Variants in CDCP2 observed in about 807,000 individuals in gnomAD.
CDCP2 encodes CUB domain-containing protein 2.
CDCP2 carries 31 observed loss-of-function variants against 31.0 expected under a neutral mutation model. The ratio of observed to expected loss-of-function variants is 1.00; its 90% confidence interval spans 0.75 to 1.35. CDCP2 has a LOEUF of 1.35. Ranked by LOEUF, CDCP2 falls within the 40% of genes most tolerant of loss-of-function variation. The pLI, the probability that CDCP2 is intolerant of heterozygous loss-of-function variation, is 0.00. For missense variants in CDCP2, 443 were observed against 482.6 expected (o/e 0.92, Z 0.77); for synonymous variants, 206 against 207.9 (o/e 0.99, Z 0.08).
intron 2 of CDCP2, among the ~76,000 whole-genome samples, chr1:54,143,209 G>C (rs118163945): frequency 6.6e-6 from 1 of 151,902 alleles, no homozygotes; most frequent in Non-Finnish European, 1.5e-5. Flanking sequence ...GGTGGGTGGC[G>C]CGCGCCTGTA....
chr1:54,135,221 G>A (rs1388558804), intron 5 of CDCP2, among the ~76,000 whole-genome samples: 1 of 152,118 alleles, frequency 6.6e-6, no homozygotes, highest in African/African-American at 2.4e-5. Flanking sequence ...TTTGATGAGT[G>A]ACAGACTTGA....
chr1:54,135,319 A>T (rs940586048), intron 5 of CDCP2, among the ~76,000 whole-genome samples: 17 of 152,160 alleles, frequency 1.1e-4, no homozygotes, highest in African/African-American at 3.6e-4. Flanking sequence ...GCACGTAAAG[A>T]TTGGCATTAC....
chr1:54,139,381 T>A, intron 4 of CDCP2: 1 of 663,680 alleles, frequency 1.5e-6, no homozygotes, highest in Non-Finnish European at 2.6e-6. Context: ...ATCCCCACAG[T>A]TATACCAATT....
intron 2 of CDCP2, chr1:54,143,295 G>T (rs977215760): frequency 2.6e-5 from 4 of 152,236 alleles, no homozygotes; most frequent in Non-Finnish European, 5.9e-5. Flanking sequence ...AGCCAAGATT[G>T]TGCCACTGCA....
chr1:54,139,952 C>G lies in CDCP2; in HGVS notation c.918G>C (p.Glu306Asp), dbSNP rs1383643883. Residue 306 changes from glutamate to aspartate, a missense_variant, in exon 4 of 6, where the codon GAG (glutamate) becomes GAC (aspartate). Glu to Asp is a conservative substitution (Grantham distance 45, BLOSUM62 2). Transcript: ENST00000530059. ...CACAGGTCTTGGTCAGGCTGTTGGG[C>G]TCCTCCAGGTCCAGGTCCAGGAAGA... is the stretch of plus-strand genomic sequence containing the variant. The G allele has an allele frequency of 3.1e-6, 5 of 1,614,092 alleles. No individual in the cohort carries two copies. In the East Asian group the frequency reaches 1.1e-4, roughly 36 times the overall value.
chr1:54,149,804 T>A (rs1279081819), intron 1 of CDCP2, among the ~76,000 whole-genome samples: 2 of 152,206 alleles, frequency 1.3e-5, no homozygotes, highest in Non-Finnish European at 2.9e-5. Flanking sequence ...TGGTGCTTAG[T>A]GTATATTTGC....
chr1:54,137,296 G>A (rs1041112924), intron 4 of CDCP2, among the ~76,000 whole-genome samples: 12 of 152,052 alleles, frequency 7.9e-5, no homozygotes, highest in African/African-American at 2.4e-4. Flanking sequence ...ATGGGGGAGG[G>A]GGCAATAAAT....
rs573738789 is a variant in CDCP2 at position 54,141,255 on chromosome 1, G to A, written c.606C>T (p.Tyr202=). The change falls in exon 3 of 6, where the codon TAC becomes TAT. Residue 202 remains tyrosine (Y), a synonymous_variant. Transcript: ENST00000530059. ...GGCCAGGCCCCCCAAGCACAGCCAC[G>A]TAGTCATAGGTGCACTCTTCATTGC... 32 of 1,614,224 alleles carry A rather than the reference G, an allele frequency of 2.0e-5. No individual in the cohort carries two copies. Among genetic ancestry groups the A allele is most frequent in the African/African-American group, 8.0e-5 (6 of 75,080 alleles).
intron 1 of CDCP2, among the ~76,000 whole-genome samples, chr1:54,148,946 T>C (rs918034677): frequency 3.4e-5 from 5 of 146,426 alleles, no homozygotes; most frequent in Admixed American, 6.8e-5. Context: ...TGGATTCTGA[T>C]TTGAACAAAT....
At chr1:54,152,966 C>G (rs370476397), upstream of CDCP2, 4 of 1,588,088 alleles carry the variant, frequency 2.5e-6, no homozygotes, top group Admixed American at 3.3e-5. Context: ...CTCAGGTAGG[C>G]CAGGATCTCA....
chr1:54,133,913 C>CAAACAAAAAA lies in CDCP2; in HGVS notation c.1297-620_1297-619insTTTTTTGTTT, dbSNP rs748829165. On this transcript the variant is annotated intron_variant, in intron 5 of 5. Transcript: ENST00000530059. ...TCCATCTCAAAAACAAACAAACAAACAAAAAAAACCCCATGTTACAGAGGA... is the reference window on the plus strand; with the variant it reads ...TCCATCTCAAAAACAAACAAACAAACAAACAAAAAAAAAAAAAACCCCATGTTACAGAGGA... 3.1e-3 allele frequency among the ~76,000 whole-genome samples: 454 copies of CAAACAAAAAA among 144,810 alleles called. 5 individuals are homozygous for CAAACAAAAAA. Among genetic ancestry groups the CAAACAAAAAA allele is most frequent in the Middle Eastern group, 0.014 (4 of 288 alleles).
At chr1:54,135,944 C>G (rs973839030) in intron 5 of CDCP2, among the ~76,000 whole-genome samples, 1 of 152,188 alleles carries the variant, frequency 6.6e-6, no homozygotes, top group African/African-American at 2.4e-5. Context: ...CTCCATACCC[C>G]ACTTCCTGAC....
intron 5 of CDCP2, among the ~76,000 whole-genome samples, chr1:54,135,313 G>A (rs1284474396): frequency 6.6e-6 from 1 of 152,146 alleles, no homozygotes; most frequent in Non-Finnish European, 1.5e-5. Flanking sequence ...AGAGTTGCAC[G>A]TAAAGATTGG....
intron 5 of CDCP2, among the ~76,000 whole-genome samples, chr1:54,134,566 T>C (rs1035797194): frequency 6.6e-5 from 10 of 152,134 alleles, no homozygotes; most frequent in Non-Finnish European, 1.2e-4. Flanking sequence ...ATCTAGCAAG[T>C]AGCACTCCTG....
At chr1:54,147,418 A>C (rs557584380) in intron 1 of CDCP2, among the ~76,000 whole-genome samples, 10 of 151,952 alleles carry the variant, frequency 6.6e-5, no homozygotes, top group Admixed American at 3.3e-4. Flanking sequence ...CCCAGGCTGG[A>C]GTGCAATGGT....
intron 1 of CDCP2, 144 bp from the exon 2 acceptor site, chr1:54,144,957 A>G: frequency 1.6e-6 from 1 of 618,932 alleles, no homozygotes; most frequent in South Asian, 2.0e-5. Flanking sequence ...TCATGCATCT[A>G]CTTATTCTTC....
At chr1:54,148,977 A>ATATTTATTT (rs1165297670) in intron 1 of CDCP2, among the ~76,000 whole-genome samples, 16 of 140,162 alleles carry the variant, frequency 1.1e-4, no homozygotes, top group Middle Eastern at 3.7e-3. Context: ...AAAAAAAAAT[A>ATATTTATTT]TATATATATA....
chr1:54,152,771 C>G, intron 1 of CDCP2, 73 bp downstream of exon 1: 1 of 1,428,414 alleles, frequency 7.0e-7, no homozygotes, highest in South Asian at 1.2e-5. Context: ...CATGTAGAAA[C>G]TTCTTGAGCC....
intron 4 of CDCP2, chr1:54,139,540 C>A (rs1388704165): frequency 6.2e-7 from 1 of 1,613,606 alleles, no homozygotes; most frequent in Non-Finnish European, 8.5e-7. Context: ...GGGAAGGAGG[C>A]TCTGCAATAG....
Sources: gnomAD v4.1 joint callset for allele counts (sites outside exome capture counted in the v4.1 genomes callset) on GRCh38, gnomAD v4.1.1 for gene constraint, MANE v1.5 for transcripts, NCBI Gene and HGNC (gene_info 2026-07-23, HGNC 2026-07-21) for gene names.